EPHA1: variants seen among roughly 807,000 people sequenced by gnomAD.
The protein encoded by EPHA1 is ephrin type-A receptor 1.
Under a neutral mutation model 110.1 loss-of-function variants are expected in EPHA1, and 92 were observed. That is an observed-to-expected ratio of 0.84 (90% CI 0.71 to 0.99). EPHA1 has a LOEUF of 0.99. Ranked by LOEUF, EPHA1 falls within the 50% of genes least tolerant of loss-of-function variation. The pLI, the probability that EPHA1 is intolerant of heterozygous loss-of-function variation, is 0.00. For synonymous variants in EPHA1, 500 were observed against 516.1 expected (o/e 0.97, Z 0.42); for missense variants, 1,204 against 1,285.4 (o/e 0.94, Z 0.97).
chr7:143,398,943 G>A lies in EPHA1; in HGVS notation c.994C>T (p.Pro332Ser), dbSNP rs781511591. The change falls in exon 6 of 18, where the codon CCC becomes TCC. Residue 332 changes from proline (P) to serine (S), a missense_variant and splice_region_variant. By Grantham distance (74) the Pro-to-Ser change is moderately conservative. Coordinates refer to ENST00000275815, the MANE Select transcript of EPHA1 (RefSeq NM_005232.5). ...CTCAGGTTTCGGGGGGCCGAGGGGG[G>A]ACCTGTGGGAGAAGAGGAGCCATCA... ...GEGPQVACTGPPSAPRNLSFS... is the reference protein window; with the variant it reads ...GEGPQVACTGSPSAPRNLSFS... 15 of 1,595,608 alleles carry A rather than the reference G, an allele frequency of 9.4e-6. No individual in the cohort carries two copies. In the South Asian group the frequency reaches 1.6e-4, roughly 17 times the overall value.
rs780580035 is a variant in EPHA1, at chr7:143,395,017, G to A, written c.2146-3C>T. 2 of 1,614,030 alleles carry A rather than the reference G, an allele frequency of 1.2e-6. No individual in the cohort carries two copies. The highest frequency in any genetic ancestry group is 1.7e-6 in the Non-Finnish European group (2 of 1,180,006). ...GGGACCAGCTGGTCCTCCCGCTCCT[G>A]CAGCAGGGTGAGTGGGTGAGTCAGG... On this transcript the variant is annotated splice_region_variant and splice_polypyrimidine_tract_variant and intron_variant, in intron 13 of 17. Transcript: ENST00000275815. This position sits in a 1 kb window ranked among gnomAD's most constrained non-coding sequence, Gnocchi z 4.7.
intron 8 of EPHA1, 114 bp from the exon 9 acceptor site, chr7:143,397,771 G>A: frequency 6.6e-7 from 1 of 1,509,214 alleles, no homozygotes. Context: ...TGTGCATCAG[G>A]TCGGTGTCTG....
rs1328460612 is a variant in EPHA1, at chr7:143,393,195, G to A, written c.2696+476C>T. The stretch of plus-strand genomic sequence containing the variant: ...ACCCCACCCCAGCCTGGCTGCCCAA[G>A]CTCCCTGGAGCTTGGGTAATAAGTG... On this transcript the variant is annotated intron_variant, in intron 16 of 17. Transcript: ENST00000275815. This position sits in a 1 kb window ranked among gnomAD's most constrained non-coding sequence, Gnocchi z 5.6. Among the ~76,000 whole-genome samples the A allele has an allele frequency of 2.6e-5, 4 of 152,122 alleles. No homozygotes were observed. The highest frequency in any genetic ancestry group is 4.8e-5 in the African/African-American group (2 of 41,430).
rs1238073297 is a variant in EPHA1 at position 143,398,942 on chromosome 7, G to A, written c.995C>T (p.Pro332Leu). The change falls in exon 6 of 18, where the codon CCC becomes CTC. Residue 332 changes from proline (P) to leucine (L), a missense_variant. By Grantham distance (98) the Pro-to-Leu change is moderately conservative. Coordinates refer to ENST00000275815, the MANE Select transcript of EPHA1 (RefSeq NM_005232.5). The part of the protein sequence containing the change: ...GEGPQVACTG[P>L]PSAPRNLSFS... The stretch of plus-strand genomic sequence containing the variant: ...GCTCAGGTTTCGGGGGGCCGAGGGG[G>A]GACCTGTGGGAGAAGAGGAGCCATC... The A allele has an allele frequency of 1.9e-6, 3 of 1,595,864 alleles. No homozygotes were observed. The highest frequency in any genetic ancestry group is 1.7e-6 in the Non-Finnish European group (2 of 1,170,780).
In EPHA1 at chr7:143,393,550, C is replaced by G; in HGVS notation, c.2696+121G>C. Reference sequence around the variant, plus strand: ...CTCTCCCCAAGGGCACGTCTTGCCTCATACACTGGACTTGGTCCAGAGCTC... The same window carrying G: ...CTCTCCCCAAGGGCACGTCTTGCCTGATACACTGGACTTGGTCCAGAGCTC... On this transcript the variant is annotated intron_variant, in intron 16 of 17. Transcript: ENST00000275815. This position sits in a 1 kb window ranked among gnomAD's most constrained non-coding sequence, Gnocchi z 5.6. The G allele has an allele frequency of 9.0e-7, 1 of 1,114,366 alleles. No individual in the cohort carries two copies. The highest frequency in any genetic ancestry group is 1.3e-6 in the Non-Finnish European group (1 of 787,464). 69.0% of individuals were successfully genotyped at this position (1,114,366 alleles called of 1,614,324 possible). A position where few individuals can be genotyped will look rare whatever the true frequency, so the allele number is the denominator to read the frequency against.
intron 2 of EPHA1, 132 bp downstream of exon 2, chr7:143,407,479 T>C (rs1586590284): frequency 1.6e-5 from 11 of 675,460 alleles, no homozygotes; most frequent in East Asian, 3.3e-5. Flanking sequence ...TGACTCAGCC[T>C]CCTCTCCCCC....
chr7:143,403,350 G>A (rs1297684740), intron 2 of EPHA1, among the ~76,000 whole-genome samples: 1 of 152,046 alleles, frequency 6.6e-6, no homozygotes, highest in African/African-American at 2.4e-5. Context: ...CAGCATGGGC[G>A]ACAAAGCAAG....
At position 143,398,758 on chromosome 7, in the gene EPHA1, C is replaced by T. The variant is rs55706059; in HGVS notation, c.1179G>A (p.Ser393=). 2.4e-5 allele frequency: 39 copies of T among 1,613,884 alleles called. No individual in the cohort carries two copies. In the East Asian group the frequency reaches 2.9e-4, roughly 12 times the overall value. The part of the protein sequence containing the change: ...CQPCGVGVHF[S]PGARGLTTPA... ...GTGTGGTGAGCCCCCGGGCCCCCGGCGAGAAGTGCACGCCCACCCCACAGG... is the reference window on the plus strand; with the variant it reads ...GTGTGGTGAGCCCCCGGGCCCCCGGTGAGAAGTGCACGCCCACCCCACAGG... The change falls in exon 6 of 18, where the codon TCG becomes TCA. Residue 393 remains serine (S), a synonymous_variant. Transcript: ENST00000275815.
intron 9 of EPHA1, 94 bp downstream of exon 9, chr7:143,397,467 G>T: frequency 6.3e-7 from 1 of 1,592,740 alleles, no homozygotes; most frequent in South Asian, 1.1e-5. Context: ...GTGCAGGATG[G>T]GTTTTGATAC....
chr7:143,404,204 A>G (rs1425106076), intron 2 of EPHA1, among the ~76,000 whole-genome samples: 3 of 142,962 alleles, frequency 2.1e-5, no homozygotes, highest in Non-Finnish European at 4.6e-5. Flanking sequence ...TTTGTGTATA[A>G]TGGAGAGATA....
Position 143,401,701 on chromosome 7 carries a change from C to G in EPHA1, c.151-96G>C. 1 of 1,475,400 alleles carries G rather than the reference C, an allele frequency of 6.8e-7. No individual in the cohort carries two copies. The highest frequency in any genetic ancestry group is 9.2e-7 in the Non-Finnish European group (1 of 1,083,232). 91.4% of individuals were successfully genotyped at this position (1,475,400 alleles called of 1,614,324 possible). On this transcript the variant is annotated intron_variant, in intron 2 of 17. Coordinates refer to ENST00000275815, the MANE Select transcript of EPHA1 (RefSeq NM_005232.5). The surrounding 1 kb of genome is among the most constrained non-coding windows in gnomAD (Gnocchi z 4.1). ...ATGGAGAAGCAGCTGTGTCAGAGCC[C>G]CTCAGGTTTATGCTACTTGTTCTGC... is the stretch of plus-strand genomic sequence containing the variant.
chr7:143,399,635 C>A lies in EPHA1; in HGVS notation c.835+16G>T, dbSNP rs767538182. On this transcript the variant is annotated intron_variant, in intron 4 of 17. Coordinates refer to ENST00000275815, the MANE Select transcript of EPHA1 (RefSeq NM_005232.5). ...TCCCGAGTGGTTCCTCAGGTTCTCA[C>A]CGCCTCCGTTCTTACCAACACATGC... 5 of 1,611,994 alleles carry A rather than the reference C, an allele frequency of 3.1e-6. No individual in the cohort carries two copies. The highest frequency in any genetic ancestry group is 4.2e-6 in the Non-Finnish European group (5 of 1,179,732).
In EPHA1 at chr7:143,397,544, G is replaced by GC; in HGVS notation, c.1712+16_1712+17insG. 6.2e-7 allele frequency: 1 copy of GC among 1,613,798 alleles called. No individual in the cohort carries two copies. The highest frequency in any genetic ancestry group is 8.5e-7 in the Non-Finnish European group (1 of 1,179,760). On this transcript the variant is annotated intron_variant, in intron 9 of 17. Coordinates refer to ENST00000275815, the MANE Select transcript of EPHA1 (RefSeq NM_005232.5). ...TGACCCAGGGCTGGTGGTTGGGGAG[G>GC]GGGCAGGAGCTGGCACCTGGACCGG...
chr7:143,395,577 C>A lies in EPHA1; in HGVS notation c.1898-73G>T. The stretch of plus-strand genomic sequence containing the variant: ...TCCAGGGGACAGGCAGCAACCCCTC[C>A]AGTCCTCCGGCCCTTTTCTTTTCTG... On this transcript the variant is annotated intron_variant, in intron 11 of 17. Coordinates refer to ENST00000275815, the MANE Select transcript of EPHA1 (RefSeq NM_005232.5). This position sits in a 1 kb window ranked among gnomAD's most constrained non-coding sequence, Gnocchi z 4.7. 6.7e-7 allele frequency: 1 copy of A among 1,492,862 alleles called. No individual in the cohort carries two copies. The allele number at this position is 1,492,862 out of a possible 1,614,324, so 92.5% of individuals were successfully genotyped here.
chr7:143,398,500 T>A (rs1805323488), intron 6 of EPHA1, 52 bp from the exon 7 acceptor site: 2 of 1,611,398 alleles, frequency 1.2e-6, no homozygotes, highest in African/African-American at 2.7e-5. Context: ...GGAAATAACC[T>A]TAGTAACTTT....
In EPHA1 at chr7:143,399,258, C is replaced by T; in HGVS notation, c.991G>A (p.Gly331Ser). ...PGEGPQVACT[G>S]PPSAPRNLSF... ...GCCACGCCCCACCCCCTGGACTCAC[C>T]TGTGCATGCCACCTGGGGGCCCTCC... The change falls in exon 5 of 18, where the codon GGT becomes AGT. Residue 331 changes from glycine to serine, a missense_variant and splice_region_variant. By Grantham distance (56) the Gly-to-Ser change is moderately conservative. Transcript: ENST00000275815. 1.2e-6 allele frequency: 2 copies of T among 1,611,356 alleles called. No individual in the cohort carries two copies. The highest frequency in any genetic ancestry group is 1.7e-6 in the Non-Finnish European group (2 of 1,179,608).
Position 143,397,607 on chromosome 7 carries a change from G to C in EPHA1, c.1666C>G (p.Leu556Val). 1 of 1,614,202 alleles carries C rather than the reference G, an allele frequency of 6.2e-7. No homozygotes were observed. The highest frequency in any genetic ancestry group is 8.5e-7 in the Non-Finnish European group (1 of 1,180,030). ...CCAAGCAGCAAGGCTGCACCAAGCA[G>C]CAGCCCAAAGATGACGGCTACAATC... ...GEIVAVIFGL[L>V]LGAALLLGIL... The change falls in exon 9 of 18, where the codon CTG becomes GTG. Residue 556 changes from leucine to valine, a missense_variant. Transcript: ENST00000275815.
Position 143,395,074 on chromosome 7 carries a change from G to C in EPHA1, c.2145+47C>G. 1 of 1,613,838 alleles carries C rather than the reference G, an allele frequency of 6.2e-7. No homozygotes were observed. Among genetic ancestry groups the C allele is most frequent in the Non-Finnish European group, 8.5e-7 (1 of 1,179,866 alleles). ...GCCAGGTCTCCTCCCAGTGCCCAGG[G>C]TACCATGGTGCATCCCCCTCCCCAG... On this transcript the variant is annotated intron_variant, in intron 13 of 17. Transcript: ENST00000275815. The surrounding 1 kb of genome is among the most constrained non-coding windows in gnomAD (Gnocchi z 4.7).
chr7:143,398,566 C>T, intron 6 of EPHA1, 35 bp downstream of exon 6: 1 of 1,607,492 alleles, frequency 6.2e-7, no homozygotes, highest in Non-Finnish European at 8.5e-7. Flanking sequence ...TCTGTCTCCA[C>T]CAGGTCCCTG....
Sources: gnomAD v4.1 joint callset for allele counts (sites outside exome capture counted in the v4.1 genomes callset) on GRCh38, gnomAD v4.1.1 for gene constraint, Gnocchi (gnomAD v3.1) non-coding constraint, MANE v1.5 for transcripts, NCBI Gene and HGNC (gene_info 2026-07-23, HGNC 2026-07-21) for gene names.